ERC2: variants seen among roughly 807,000 people sequenced by gnomAD.
ERC2 encodes the protein ELKS/RAB6-interacting/CAST family member 2.
Under a neutral mutation model 114.8 loss-of-function variants are expected in ERC2, and 42 were observed. The observed-to-expected ratio is 0.37, with a 90% CI of 0.29 to 0.47. The LOEUF is 0.47. Ranked by LOEUF, ERC2 falls within the 20% of genes least tolerant of loss-of-function variation. ERC2 has a pLI of 0.99. For missense variants in ERC2, 939 were observed against 1,150.7 expected, an observed-to-expected ratio of 0.82 and a Z score of 2.66; for synonymous variants, 454 against 425.5, an observed-to-expected ratio of 1.07 and a Z score of -0.82.
intron 3 of ERC2, among the ~76,000 whole-genome samples, chr3:56,238,088 A>G (rs1459059623): frequency 6.6e-6 from 1 of 152,204 alleles, no homozygotes; most frequent in African/African-American, 2.4e-5. Context: ...TTTAGAGGGC[A>G]CATGACAAAC....
chr3:56,287,287 T>C (rs1292709845), intron 3 of ERC2, among the ~76,000 whole-genome samples: 1 of 152,246 alleles, frequency 6.6e-6, no homozygotes, highest in Non-Finnish European at 1.5e-5. Context: ...CATTTCTTTT[T>C]GGCAGTGAGA....
At chr3:55,763,910 A>T (rs894267959) in intron 14 of ERC2, among the ~76,000 whole-genome samples, 9 of 152,194 alleles carry the variant, frequency 5.9e-5, no homozygotes, top group Admixed American at 3.3e-4. Flanking sequence ...CAGATATTTT[A>T]TGCCTCTTTT....
intron 17 of ERC2, among the ~76,000 whole-genome samples, chr3:55,551,760 G>A (rs930181611): frequency 7.2e-5 from 11 of 152,190 alleles, no homozygotes; most frequent in East Asian, 3.9e-4. Context: ...AAAGTCCTCC[G>A]ATTTAAATGC....
Position 55,637,923 on chromosome 3 carries a change from G to T in ERC2, c.*39+45871C>A, listed in dbSNP as rs529998387. ...CTACTGTTATTTTTCCCATTTTATT[G>T]ATGATAAAACTAAGGATCTGAAAGG... On this transcript the variant is annotated intron_variant, in intron 17 of 17. Transcript: ENST00000288221. Among the ~76,000 whole-genome samples, 7 of 151,982 alleles carry T rather than the reference G, an allele frequency of 4.6e-5. No homozygotes were observed. In the South Asian group the frequency reaches 1.5e-3, roughly 32 times the overall value.
chr3:55,556,204 T>C (rs534720420), intron 17 of ERC2, among the ~76,000 whole-genome samples: 2 of 152,308 alleles, frequency 1.3e-5, no homozygotes, highest in Non-Finnish European at 2.9e-5. Flanking sequence ...GGGATTTCCT[T>C]TGCTAGTCTT....
In ERC2 at chr3:55,720,239, T is replaced by TTCTCTC. The variant is rs1285257457; in HGVS notation, c.2712+14526_2712+14531dup. On this transcript the variant is annotated intron_variant, in intron 15 of 17. Transcript: ENST00000288221. ...CTTCTTCTTCTTCTTCTTCTTCTTC[T>TTCTCTC]TCTCTCTCTCTCTCTCTCTCTCTGT... is the stretch of plus-strand genomic sequence containing the variant. 3.3e-3 allele frequency among the ~76,000 whole-genome samples: 40 copies of TTCTCTC among 12,056 alleles called. 11 individuals are homozygous for TTCTCTC. The highest frequency in any genetic ancestry group is 6.1e-3 in the African/African-American group (8 of 1,320). The allele number at this position is 12,056 out of a possible 152,430, so 7.9% of individuals were successfully genotyped here. A position where few individuals can be genotyped will look rare whatever the true frequency, so the allele number is the denominator to read the frequency against.
chr3:56,429,686 T>C (rs1301308078), intron 2 of ERC2, among the ~76,000 whole-genome samples: 2 of 152,236 alleles, frequency 1.3e-5, no homozygotes, highest in Non-Finnish European at 2.9e-5. Flanking sequence ...TAGAGCCGCG[T>C]GGCTGAGAAG....
intron 2 of ERC2, among the ~76,000 whole-genome samples, chr3:56,422,764 T>C (rs181076757): frequency 2.0e-5 from 3 of 152,202 alleles, no homozygotes; most frequent in Admixed American, 6.5e-5. Context: ...CGCAGCTCTA[T>C]TGGTGAGGCC....
Position 55,751,235 on chromosome 3 carries a change from C to A in ERC2, c.2565-16317G>T, listed in dbSNP as rs1352340970. Among the ~76,000 whole-genome samples the A allele has an allele frequency of 4.6e-5, 7 of 152,258 alleles. No individual in the cohort carries two copies. The East Asian group carries it at 9.6e-4, about 21-fold the overall frequency. ...AACCCAAATTGTTTGTACTGAGTGACCGTCCCTTTGCCAATGTCTGTTTCC... is the reference window on the plus strand; with the variant it reads ...AACCCAAATTGTTTGTACTGAGTGAACGTCCCTTTGCCAATGTCTGTTTCC... On this transcript the variant is annotated intron_variant, in intron 14 of 17. Transcript: ENST00000288221.
At chr3:55,903,560 A>G (rs1176641627) in intron 13 of ERC2, among the ~76,000 whole-genome samples, 4 of 152,220 alleles carry the variant, frequency 2.6e-5, no homozygotes, top group Non-Finnish European at 5.9e-5. Context: ...TAATAAAACC[A>G]TGATACCCAG....
At chr3:56,001,177 AAGAG>A (rs1028277856) in intron 10 of ERC2, among the ~76,000 whole-genome samples, 2 of 151,940 alleles carry the variant, frequency 1.3e-5, no homozygotes, top group African/African-American at 4.8e-5. Flanking sequence ...AGAAAAGAAA[AAGAG>A]AGAAGAAGAA....
At position 56,120,944 on chromosome 3, in the gene ERC2, T is replaced by C. The variant is rs377172193; in HGVS notation, c.1473+18565A>G. On this transcript the variant is annotated intron_variant, in intron 6 of 17. Transcript: ENST00000288221. ...TGTTATATACTATAAGGAAGGAAGA[T>C]TGCTTCAGTTCCTGGAGGTAAAAGT... Among the ~76,000 whole-genome samples the C allele has an allele frequency of 3.3e-5, 5 of 152,114 alleles. No homozygotes were observed. The East Asian group carries it at 5.8e-4, about 18-fold the overall frequency.
At chr3:55,589,032 T>C (rs1042399438) in intron 17 of ERC2, among the ~76,000 whole-genome samples, 3 of 152,026 alleles carry the variant, frequency 2.0e-5, no homozygotes, top group African/African-American at 7.2e-5. Flanking sequence ...AATTCACTTA[T>C]TAGCTGTGTA....
intron 3 of ERC2, among the ~76,000 whole-genome samples, chr3:56,262,028 T>C (rs1002938198): frequency 6.6e-6 from 1 of 152,200 alleles, no homozygotes; most frequent in Non-Finnish European, 1.5e-5. Flanking sequence ...TCCATGTCCT[T>C]GCAAAGGACA....
chr3:56,112,988 A>C (rs1459194345), intron 6 of ERC2, among the ~76,000 whole-genome samples: 1 of 152,216 alleles, frequency 6.6e-6, no homozygotes, highest in African/African-American at 2.4e-5. Context: ...CAATATAAAA[A>C]AAATCAGAAA....
In ERC2 at chr3:56,151,912, C is replaced by T. The variant is rs937834945; in HGVS notation, c.1150-2780G>A. Among the ~76,000 whole-genome samples, 4 of 152,166 alleles carry T rather than the reference C, an allele frequency of 2.6e-5. No individual in the cohort carries two copies. In the South Asian group the frequency reaches 8.3e-4, roughly 32 times the overall value. ...TTTCAGAAAGTAAAGCAACATTTTA[C>T]GCCCTAATCGCCAAAGAGCTTTCTT... On this transcript the variant is annotated intron_variant, in intron 4 of 17. Coordinates refer to ENST00000288221, the MANE Select transcript of ERC2 (RefSeq NM_015576.3).
chr3:55,891,437 A>ATTTTTTTTTT (rs869073962), intron 13 of ERC2, among the ~76,000 whole-genome samples: 1 of 86,974 alleles, frequency 1.1e-5, no homozygotes, highest in African/African-American at 4.6e-5. Context: ...GTCTGGTTCT[A>ATTTTTTTTTT]TTTTTTTTTT....
intron 17 of ERC2, among the ~76,000 whole-genome samples, chr3:55,587,903 A>T (rs1385405111): frequency 1.3e-5 from 2 of 152,234 alleles, no homozygotes; most frequent in African/African-American, 2.4e-5. Context: ...CCACTTACAC[A>T]GGGTCAACCT....
At chr3:56,450,791 G>A (rs967426181) in intron 1 of ERC2, among the ~76,000 whole-genome samples, 1 of 152,176 alleles carries the variant, frequency 6.6e-6, no homozygotes, top group South Asian at 2.1e-4. Flanking sequence ...TGATCACGCC[G>A]TTGCGCTCCA....
Sources: allele counts gnomAD v4.1 joint callset (sites outside exome capture counted in the v4.1 genomes callset), GRCh38; gene constraint gnomAD v4.1.1; transcripts MANE v1.5; gene names NCBI Gene and HGNC (gene_info 2026-07-23, HGNC 2026-07-21).